The following ERICH1 variants were observed in gnomAD, a reference collection of about 807,000 sequenced individuals.
The protein encoded by ERICH1 is glutamate rich 1.
A neutral mutation model predicts 39.6 loss-of-function variants in ERICH1; 56 were observed. The observed-to-expected ratio is 1.41, with a 90% CI of 1.14 to 1.77. ERICH1 has a LOEUF of 1.77. ERICH1 is among the 40% of genes most tolerant of loss of function. The pLI is 0.00. For synonymous variants in ERICH1, 313 were observed against 223.6 expected (o/e 1.40, Z -3.57); for missense variants, 826 against 575.4 (o/e 1.44, Z -4.45).
At chr8:694,766 C>T (rs1809744622) in intron 2 of ERICH1, among the ~76,000 whole-genome samples, 1 of 152,210 alleles carries the variant, frequency 6.6e-6, no homozygotes, top group Non-Finnish European at 1.5e-5. Context: ...TGTGAGGACA[C>T]TTACGCCTTG....
At chr8:661,477 G>A (rs940623111), downstream of ERICH1, among the ~76,000 whole-genome samples, 1 of 152,172 alleles carries the variant, frequency 6.6e-6, no homozygotes, top group Non-Finnish European at 1.5e-5. Flanking sequence ...AGGCACAACT[G>A]TCTTAATATT....
At chr8:627,208 GC>G (rs1294001682) in intron 3 of ERICH1, 5 of 456,218 alleles carry the variant, frequency 1.1e-5, no homozygotes, top group Admixed American at 9.4e-5. Context: ...TGTACCATTG[GC>G]CCAGGCTCTC....
intron 3 of ERICH1, among the ~76,000 whole-genome samples, chr8:688,307 C>CTCCCCG (rs1808048285): frequency 9.0e-6 from 1 of 110,698 alleles, no homozygotes; most frequent in African/African-American, 3.4e-5. Flanking sequence ...TCCGCCGCCC[C>CTCCCCG]GCCCCGGGCC....
intron 3 of ERICH1, among the ~76,000 whole-genome samples, chr8:676,736 C>T (rs964283982): frequency 6.6e-6 from 1 of 152,220 alleles, no homozygotes; most frequent in Admixed American, 6.5e-5. Context: ...GGCCGGCACA[C>T]GGCTCCCGGG....
At chr8:718,646 C>T (rs1018136983) in intron 1 of ERICH1, among the ~76,000 whole-genome samples, 4 of 152,188 alleles carry the variant, frequency 2.6e-5, no homozygotes, top group African/African-American at 9.7e-5. Flanking sequence ...TGGCAGAGGC[C>T]ACCCTGGGAG....
At chr8:644,279 G>T (rs894459973) in intron 3 of ERICH1, among the ~76,000 whole-genome samples, 1 of 152,256 alleles carries the variant, frequency 6.6e-6, no homozygotes, top group South Asian at 2.1e-4. Flanking sequence ...CCTGCAGAGG[G>T]TGGCTCCTTC....
chr8:641,640 G>C (rs1178089372), intron 3 of ERICH1, among the ~76,000 whole-genome samples: 3 of 152,234 alleles, frequency 2.0e-5, no homozygotes, highest in Non-Finnish European at 4.4e-5. Flanking sequence ...TAGTGTGTCT[G>C]AGCGTGATCT....
intron 3 of ERICH1, among the ~76,000 whole-genome samples, chr8:638,359 C>A (rs115074414): frequency 2.6e-5 from 4 of 152,326 alleles, no homozygotes; most frequent in South Asian, 2.1e-4. Flanking sequence ...TCAGCCAGCA[C>A]GGGCCATGTT....
At chr8:676,135 C>G (rs867636665) in intron 3 of ERICH1, among the ~76,000 whole-genome samples, 16 of 3,072 alleles carry the variant, frequency 5.2e-3, no homozygotes, top group Non-Finnish European at 7.9e-3. Flanking sequence ...AGACGCGGCG[C>G]CCCCTCGGCG....
intron 3 of ERICH1, among the ~76,000 whole-genome samples, chr8:617,389 C>A (rs62483939): frequency 0.013 from 1,906 of 152,324 alleles, 20 homozygotes; most frequent in Non-Finnish European, 0.02. Flanking sequence ...GTTCTCAGCA[C>A]TGATCACTCC....
intron 3 of ERICH1, among the ~76,000 whole-genome samples, chr8:652,306 G>A (rs1293116430): frequency 1.3e-5 from 2 of 152,358 alleles, no homozygotes; most frequent in South Asian, 2.1e-4. Context: ...CTGGGGCCTG[G>A]CCCCGTCAGA....
chr8:727,914 C>T lies in ERICH1; in HGVS notation c.22+3226G>A, dbSNP rs931142255. Among the ~76,000 whole-genome samples the T allele has an allele frequency of 3.3e-5, 5 of 152,178 alleles. No individual in the cohort carries two copies. In the East Asian group the frequency reaches 7.7e-4, roughly 24 times the overall value. ...GTGGGGCAGGGACTCTGCTTAAATC[C>T]AGGGGCGCATCCTCCCACCACACAC... On this transcript the variant is annotated intron_variant, in intron 1 of 5. Transcript: ENST00000262109.
At chr8:718,911 G>C (rs1187836442) in intron 1 of ERICH1, among the ~76,000 whole-genome samples, 2 of 152,196 alleles carry the variant, frequency 1.3e-5, no homozygotes, top group Admixed American at 6.5e-5. Context: ...GTTTGTCATT[G>C]CACTCCAATC....
intron 2 of ERICH1, 110 bp from the exon 3 acceptor site, chr8:692,722 A>G: frequency 7.9e-7 from 1 of 1,262,238 alleles, no homozygotes; most frequent in East Asian, 2.7e-5. Flanking sequence ...AAGACATGAA[A>G]TCAAAGAGCT....
intron 3 of ERICH1, among the ~76,000 whole-genome samples, chr8:685,657 T>G (rs1423336305): frequency 6.6e-6 from 1 of 152,216 alleles, no homozygotes. Context: ...TCACAATTTA[T>G]GTTCTCTGTC....
intron 2 of ERICH1, among the ~76,000 whole-genome samples, chr8:713,311 TATA>T (rs1815183212): frequency 6.6e-6 from 1 of 152,260 alleles, no homozygotes; most frequent in Non-Finnish European, 1.5e-5. Flanking sequence ...CAATTCAGCC[TATA>T]ATAAGTATAT....
intron 3 of ERICH1, among the ~76,000 whole-genome samples, chr8:620,413 AG>A (rs1292507660): frequency 1.3e-5 from 2 of 152,240 alleles, no homozygotes; most frequent in Non-Finnish European, 2.9e-5. Flanking sequence ...CAATTGAACA[AG>A]TCAATCAAAA....
At chr8:672,183 A>C (rs1803580476) in intron 4 of ERICH1, 1 of 152,406 alleles carries the variant, frequency 6.6e-6, no homozygotes, top group Admixed American at 6.5e-5. Flanking sequence ...TACTCCTGGC[A>C]TGACTGTTGG....
intron 2 of ERICH1, among the ~76,000 whole-genome samples, chr8:714,943 G>C (rs769197905): frequency 6.6e-6 from 1 of 152,158 alleles, no homozygotes; most frequent in Admixed American, 6.5e-5. Flanking sequence ...ACTCCACCCA[G>C]GTGTTCTCTT....
Sources: gnomAD v4.1 joint callset for allele counts (sites outside exome capture counted in the v4.1 genomes callset) on GRCh38, gnomAD v4.1.1 for gene constraint, MANE v1.5 for transcripts, NCBI Gene and HGNC (gene_info 2026-07-23, HGNC 2026-07-21) for gene names.